FOCAD: variants seen among roughly 807,000 people sequenced by gnomAD.
The protein encoded by FOCAD is focadhesin.
A neutral mutation model predicts 225.6 loss-of-function variants in FOCAD; 198 were observed. That is an observed-to-expected ratio of 0.88 (90% CI 0.78 to 0.99). FOCAD has a LOEUF of 0.99. Ranked by LOEUF, FOCAD falls within the 50% of genes least tolerant of loss-of-function variation. The pLI, the probability that FOCAD is intolerant of heterozygous loss-of-function variation, is 0.00. For missense variants in FOCAD, 2,713 were observed against 2,123.6 expected (o/e 1.28, Z -5.46); for synonymous variants, 897 against 755.0 (o/e 1.19, Z -3.08).
intron 18 of FOCAD, among the ~76,000 whole-genome samples, chr9:20,872,508 T>C (rs1829872259): frequency 7.3e-6 from 1 of 136,138 alleles, no homozygotes; most frequent in Admixed American, 7.3e-5. Flanking sequence ...CCTTACTCTT[T>C]TCATTCTACT....
chr9:20,709,805 CAT>C (rs766337982), intron 1 of FOCAD, among the ~76,000 whole-genome samples: 19 of 152,304 alleles, frequency 1.2e-4, no homozygotes, highest in Non-Finnish European at 2.1e-4. Context: ...ATTTAAAAAA[CAT>C]ATTCATTCTC....
In FOCAD at chr9:20,912,939, G is replaced by T. The variant is rs774452281; in HGVS notation, c.2792G>T (p.Ser931Ile). 2 of 1,612,672 alleles carry T rather than the reference G, an allele frequency of 1.2e-6. No individual in the cohort carries two copies. The highest frequency in any genetic ancestry group is 2.2e-5 in the South Asian group (2 of 90,932). The change falls in exon 23 of 44, where the codon AGC becomes ATC. Residue 931 changes from serine to isoleucine, a missense_variant. By Grantham distance (142) the Ser-to-Ile change is moderately radical. Coordinates refer to ENST00000338382, the MANE Select transcript of FOCAD (RefSeq NM_001375567.1). ...CCTGAGGAGGTGCAGTACAAAAAAA[G>T]CACAGCCTGGCTCTGGTAAGTGTTC... ...EEPEEVQYKK[S>I]TAWLWVRDML...
intron 11 of FOCAD, among the ~76,000 whole-genome samples, chr9:20,795,174 G>T (rs1027097957): frequency 6.6e-6 from 1 of 152,128 alleles, no homozygotes. Context: ...TTTGGCAACT[G>T]AGTAGTTCTA....
chr9:20,789,245 T>C, intron 10 of FOCAD, 106 bp from the exon 11 acceptor site: 1 of 1,249,912 alleles, frequency 8.0e-7, no homozygotes, highest in Non-Finnish European at 1.1e-6. Flanking sequence ...ATTCATTTTG[T>C]TGGAAGGAGT....
rs55848101 is a variant in FOCAD, at chr9:20,982,214, T to C, written c.4639-143T>C. ...AAAGATGTCTTCAAAATGATAAAAATTGGCCAAATGTTTTGGTTTGGTTAA... is the reference window on the plus strand; with the variant it reads ...AAAGATGTCTTCAAAATGATAAAAACTGGCCAAATGTTTTGGTTTGGTTAA... On this transcript the variant is annotated intron_variant, in intron 38 of 43. Transcript: ENST00000338382. 3.0e-5 allele frequency: 15 copies of C among 502,666 alleles called. No individual in the cohort carries two copies. In the Middle Eastern group the frequency reaches 3.2e-3, roughly 106 times the overall value. The allele number at this position is 502,666 out of a possible 1,614,324, so 31.1% of individuals were successfully genotyped here.
At chr9:20,815,192 T>G (rs1823593124) in intron 11 of FOCAD, among the ~76,000 whole-genome samples, 1 of 141,126 alleles carries the variant, frequency 7.1e-6, no homozygotes. Flanking sequence ...TGGAGTGCAG[T>G]GGCACAACCT....
chr9:20,824,783 A>G (rs182954916), intron 15 of FOCAD, among the ~76,000 whole-genome samples: 1 of 152,240 alleles, frequency 6.6e-6, no homozygotes, highest in African/African-American at 2.4e-5. Context: ...ATAAAGCACT[A>G]CCACTAATTA....
intron 11 of FOCAD, among the ~76,000 whole-genome samples, chr9:20,797,297 T>C (rs1301760860): frequency 6.6e-6 from 1 of 152,178 alleles, no homozygotes. Context: ...CTTGGCAATG[T>C]GGGCTCCTTT....
chr9:20,743,522 G>C (rs190827456), intron 5 of FOCAD, among the ~76,000 whole-genome samples: 1 of 152,022 alleles, frequency 6.6e-6, no homozygotes, highest in East Asian at 1.9e-4. Context: ...TGAGAACCAA[G>C]AATGTTAGGC....
intron 21 of FOCAD, among the ~76,000 whole-genome samples, chr9:20,891,767 G>C (rs1469805460): frequency 7.9e-5 from 12 of 152,212 alleles, no homozygotes; most frequent in Admixed American, 7.9e-4. Flanking sequence ...GCTGCAGCAA[G>C]TTATCCAGAA....
At chr9:20,849,882 C>A (rs1365138950) in intron 15 of FOCAD, among the ~76,000 whole-genome samples, 1 of 151,830 alleles carries the variant, frequency 6.6e-6, no homozygotes, top group Non-Finnish European at 1.5e-5. Flanking sequence ...TTTCTTAGTT[C>A]ATTGCTCTCA....
chr9:20,778,832 T>G (rs1177124971), intron 9 of FOCAD, 64 bp downstream of exon 9: 3 of 879,114 alleles, frequency 3.4e-6, no homozygotes, highest in Non-Finnish European at 5.6e-6. Context: ...CAGGATTCAC[T>G]TGAACTATGT....
intron 4 of FOCAD, among the ~76,000 whole-genome samples, chr9:20,730,728 A>G (rs184537118): frequency 8.3e-4 from 126 of 152,326 alleles, no homozygotes; most frequent in Admixed American, 3.7e-3. Flanking sequence ...GGAACCATCT[A>G]ATATTCCTAA....
intron 15 of FOCAD, among the ~76,000 whole-genome samples, chr9:20,829,652 A>G (rs1206366925): frequency 6.6e-6 from 1 of 152,132 alleles, no homozygotes; most frequent in Non-Finnish European, 1.5e-5. Flanking sequence ...CCTCTAAGTA[A>G]GAGATACTGG....
intron 5 of FOCAD, among the ~76,000 whole-genome samples, chr9:20,749,166 A>G (rs1828324018): frequency 6.6e-6 from 1 of 152,122 alleles, no homozygotes; most frequent in African/African-American, 2.4e-5. Flanking sequence ...CATTGCATTA[A>G]AACCCTGGCT....
At chr9:20,747,416 AAT>A (rs1828140528) in intron 5 of FOCAD, among the ~76,000 whole-genome samples, 2 of 152,168 alleles carry the variant, frequency 1.3e-5, no homozygotes, top group Non-Finnish European at 2.9e-5. Flanking sequence ...TTAAGTCTGA[AAT>A]ATTTTAAATC....
At chr9:20,740,398 A>C (rs1827514721) in intron 5 of FOCAD, 58 bp downstream of exon 5, 1 of 956,816 alleles carries the variant, frequency 1.0e-6, no homozygotes, top group African/African-American at 1.7e-5. Context: ...GAAATTATTA[A>C]CTGTGACATG....
At chr9:20,675,427 C>T (rs1212822159) in intron 2 of FOCAD, among the ~76,000 whole-genome samples, 1 of 152,084 alleles carries the variant, frequency 6.6e-6, no homozygotes, top group Non-Finnish European at 1.5e-5. Context: ...AATTGGATGA[C>T]AAAGTATGTG....
chr9:20,908,568 C>T (rs1833173947), intron 22 of FOCAD, among the ~76,000 whole-genome samples: 1 of 152,076 alleles, frequency 6.6e-6, no homozygotes, highest in Non-Finnish European at 1.5e-5. Flanking sequence ...CCTAAATGTA[C>T]TGTAATCTGC....
Sources: gnomAD v4.1 joint callset for allele counts (sites outside exome capture counted in the v4.1 genomes callset) on GRCh38, gnomAD v4.1.1 for gene constraint, MANE v1.5 for transcripts, NCBI Gene and HGNC (gene_info 2026-07-23, HGNC 2026-07-21) for gene names.